The following ATP4A variants were observed in gnomAD, a reference collection of about 807,000 sequenced individuals.
The protein encoded by ATP4A is ATPase H+/K+ transporting subunit alpha.
Under a neutral mutation model 112.1 loss-of-function variants are expected in ATP4A, and 73 were observed. The observed-to-expected ratio is 0.65, with a 90% confidence interval of 0.54 to 0.79. The LOEUF (loss-of-function observed/expected upper bound fraction) is 0.79. ATP4A is among the 30% of genes least tolerant of loss of function. The probability of loss-of-function intolerance (pLI) is 0.00; values close to 1 mark genes in which losing one functional copy is unlikely to be tolerated. For synonymous variants in ATP4A, 588 were observed against 588.9 expected (o/e 1.00, Z 0.02); for missense variants, 1,081 against 1,425.9 (o/e 0.76, Z 3.90).
At position 35,557,057 on chromosome 19, in the gene ATP4A, G is replaced by C. The variant is rs1349292225; in HGVS notation, c.1725C>G (p.Asp575Glu). The change falls in exon 12 of 22, where the codon GAC becomes GAG. Residue 575 changes from aspartate to glutamate, a missense_variant. Coordinates refer to ENST00000262623, the MANE Select transcript of ATP4A (RefSeq NM_000704.3). This position sits in a 1 kb window ranked among gnomAD's most constrained non-coding sequence, Gnocchi z 4.4. ...GFCQLYLNEK[D>E]YPPGYAFDVE... ...CGTCGAAGGCATAGCCAGGCGGGTA[G>C]TCCTTCTCATTCAGGTAGAGCTGGC... 1 of 1,614,226 alleles carries C rather than the reference G, an allele frequency of 6.2e-7. No homozygotes were observed. The highest frequency in any genetic ancestry group is 1.3e-5 in the African/African-American group (1 of 75,058).
At position 35,560,360 on chromosome 19, in the gene ATP4A, GACCC is replaced by G; in HGVS notation, c.786_787+2del. 6.2e-7 allele frequency: 1 copy of G among 1,613,002 alleles called. No homozygotes were observed. Among genetic ancestry groups the G allele is most frequent in the Non-Finnish European group, 8.5e-7 (1 of 1,179,410 alleles). The stretch of plus-strand genomic sequence containing the variant: ...TGGGCAGGCAGGCGGGGGCTTCACA[GACCC>G]TCAAGGCACATGGTGGAGAAGAAGG... On this transcript the variant is annotated splice_donor_variant and coding_sequence_variant, in exon 6 of 22. Coordinates refer to ENST00000262623, the MANE Select transcript of ATP4A (RefSeq NM_000704.3). LOFTEE classifies it high-confidence loss of function. The surrounding 1 kb of genome is among the most constrained non-coding windows in gnomAD (Gnocchi z 5.1).
chr19:35,559,221 G>A lies in ATP4A; in HGVS notation c.1057-30C>T. 6.2e-7 allele frequency: 1 copy of A among 1,610,472 alleles called. No individual in the cohort carries two copies. The highest frequency in any genetic ancestry group is 8.5e-7 in the Non-Finnish European group (1 of 1,178,356). ...GGAAGGGGTGAGCACCGCAGGCTGGGGACCCACCCTGGCTTCCAGTCCTCT... is the reference window on the plus strand; with the variant it reads ...GGAAGGGGTGAGCACCGCAGGCTGGAGACCCACCCTGGCTTCCAGTCCTCT... On this transcript the variant is annotated intron_variant, in intron 7 of 21. Coordinates refer to ENST00000262623, the MANE Select transcript of ATP4A (RefSeq NM_000704.3). This position sits in a 1 kb window ranked among gnomAD's most constrained non-coding sequence, Gnocchi z 4.1.
chr19:35,557,169 G>A lies in ATP4A; in HGVS notation c.1694-81C>T. On this transcript the variant is annotated intron_variant, in intron 11 of 21. Coordinates refer to ENST00000262623, the MANE Select transcript of ATP4A (RefSeq NM_000704.3). The surrounding 1 kb of genome is among the most constrained non-coding windows in gnomAD (Gnocchi z 4.4). ...GGCCAGGAAATGGGTAAAATAACCA[G>A]GCCCCTTGCACCAAACACCTATGGA... 1 of 1,523,312 alleles carries A rather than the reference G, an allele frequency of 6.6e-7. No individual in the cohort carries two copies. The highest frequency in any genetic ancestry group is 9.0e-7 in the Non-Finnish European group (1 of 1,110,790). 94.4% of individuals were successfully genotyped at this position (1,523,312 alleles called of 1,614,324 possible). A position where few individuals can be genotyped will look rare whatever the true frequency, so the allele number is the denominator to read the frequency against.
In ATP4A at chr19:35,555,315, G is replaced by A. The variant is rs774113274; in HGVS notation, c.2177C>T (p.Thr726Met). The A allele has an allele frequency of 9.9e-6, 16 of 1,613,956 alleles. No homozygotes were observed. The highest frequency in any genetic ancestry group is 1.1e-5 in the Non-Finnish European group (13 of 1,179,908). ...CQRLGAIVAVTGDGVNDSPAL... is the reference protein window; with the variant it reads ...CQRLGAIVAVMGDGVNDSPAL... ...TGGGGAGTCATTCACACCATCCCCCGTGACGGCCACAATCGCACCCTGCAG... is the reference window on the plus strand; with the variant it reads ...TGGGGAGTCATTCACACCATCCCCCATGACGGCCACAATCGCACCCTGCAG... The change falls in exon 15 of 22, where the codon ACG becomes ATG. Residue 726 changes from threonine to methionine, a missense_variant. This residue lies in a region of ATP4A where 850 missense variants were observed against 1,068.2 expected (regional missense o/e 0.80). Transcript: ENST00000262623. This position sits in a 1 kb window ranked among gnomAD's most constrained non-coding sequence, Gnocchi z 6.6.
rs60726757 is a variant in ATP4A at position 35,560,918 on chromosome 19, G to A, written c.435C>T (p.Ile145=). 17,213 of 1,613,846 alleles carry A rather than the reference G, an allele frequency of 0.011. 899 individuals are homozygous for A. In the African/African-American group the frequency reaches 0.15, roughly 14 times the overall value. Reference sequence around the variant, plus strand: ...TGACGACAACCACAGCAATGAGAGCGATTGCCAGGTACAGCTGGGGACAGG... The same window carrying A: ...TGACGACAACCACAGCAATGAGAGCAATTGCCAGGTACAGCTGGGGACAGG... ...LTTDDNLYLA[I]ALIAVVVVTG... Residue 145 remains isoleucine, a synonymous_variant, in exon 5 of 22, where the codon ATC becomes ATT. Transcript: ENST00000262623. This position sits in a 1 kb window ranked among gnomAD's most constrained non-coding sequence, Gnocchi z 5.1.
At position 35,557,799 on chromosome 19, in the gene ATP4A, C is replaced by A; in HGVS notation, c.1549G>T (p.Val517Leu). ...ACGCGCTCGGGGGCGCCCTTCATCA[C>A]CAGCAAGTGTCGCGGGTCCCGCGGG... ...EDPRDPRHLL[V>L]MKGAPERVLE... Residue 517 changes from valine to leucine, a missense_variant, in exon 11 of 22, where the codon GTG becomes TTG. Physicochemically the swap from Val to Leu is conservative, Grantham distance 32. This residue lies in a region of ATP4A where 850 missense variants were observed against 1,068.2 expected (regional missense o/e 0.80). Transcript: ENST00000262623. The surrounding 1 kb of genome is among the most constrained non-coding windows in gnomAD (Gnocchi z 4.4). 1 of 1,575,786 alleles carries A rather than the reference C, an allele frequency of 6.3e-7. No individual in the cohort carries two copies. The highest frequency in any genetic ancestry group is 1.1e-5 in the South Asian group (1 of 88,788).
Position 35,551,966 on chromosome 19 carries a change from G to A in ATP4A, c.2752-386C>T, listed in dbSNP as rs2071604688. On this transcript the variant is annotated intron_variant, in intron 18 of 21. Transcript: ENST00000262623. The surrounding 1 kb of genome is among the most constrained non-coding windows in gnomAD (Gnocchi z 5.2). ...CAGGCAGATGGCAAAAATAGGTGAG[G>A]CAGTCACCGCGGGCCTTTGGGAAAA... Among the ~76,000 whole-genome samples the A allele has an allele frequency of 6.6e-6, 1 of 152,150 alleles. No homozygotes were observed. Among genetic ancestry groups the A allele is most frequent in the African/African-American group, 2.4e-5 (1 of 41,432 alleles).
rs765725549 is a variant in ATP4A, at chr19:35,560,342, G to A, written c.787+21C>T. On this transcript the variant is annotated intron_variant, in intron 6 of 21. Transcript: ENST00000262623. The surrounding 1 kb of genome is among the most constrained non-coding windows in gnomAD (Gnocchi z 5.1). ...AGTGGAGGCAGCAGTTACTGGGCAG[G>A]CAGGCGGGGGCTTCACAGACCCTCA... The A allele has an allele frequency of 4.3e-6, 7 of 1,610,876 alleles. No homozygotes were observed. The highest frequency in any genetic ancestry group is 1.1e-5 in the South Asian group (1 of 90,990).
chr19:35,562,680 C>T, intron 3 of ATP4A, 42 bp from the exon 4 acceptor site: 1 of 1,533,642 alleles, frequency 6.5e-7, no homozygotes, highest in Non-Finnish European at 8.8e-7. Flanking sequence ...GGGGGCTTTC[C>T]TCCACATGCA....
At position 35,557,545 on chromosome 19, in the gene ATP4A, A is replaced by T; in HGVS notation, c.1693+110T>A. Reference sequence around the variant, plus strand: ...GTGAGGCTGTGGACTGCGACAAATCAGCCAGCAGCCAGGGATGAGGACGGT... The same window carrying T: ...GTGAGGCTGTGGACTGCGACAAATCTGCCAGCAGCCAGGGATGAGGACGGT... On this transcript the variant is annotated intron_variant, in intron 11 of 21. Transcript: ENST00000262623. The surrounding 1 kb of genome is among the most constrained non-coding windows in gnomAD (Gnocchi z 4.4). 1 of 1,320,306 alleles carries T rather than the reference A, an allele frequency of 7.6e-7. No homozygotes were observed. The highest frequency in any genetic ancestry group is 1.0e-6 in the Non-Finnish European group (1 of 974,172). 81.8% of individuals were successfully genotyped at this position (1,320,306 alleles called of 1,614,324 possible).
At position 35,558,288 on chromosome 19, in the gene ATP4A, C is replaced by G; in HGVS notation, c.1500+74G>C. On this transcript the variant is annotated intron_variant, in intron 10 of 21. Transcript: ENST00000262623. This position sits in a 1 kb window ranked among gnomAD's most constrained non-coding sequence, Gnocchi z 5.1. ...GCAAGGAGCGAAGCCCCTCGTGGCC[C>G]GCTGATGTGGGTGTGGCCTGGGGCG... 2 of 1,521,384 alleles carry G rather than the reference C, an allele frequency of 1.3e-6. No homozygotes were observed. Among genetic ancestry groups the G allele is most frequent in the East Asian group, 2.4e-5 (1 of 42,008 alleles). The allele number at this position is 1,521,384 out of a possible 1,614,324, so 94.2% of individuals were successfully genotyped here. A position where few individuals can be genotyped will look rare whatever the true frequency, so the allele number is the denominator to read the frequency against.
In ATP4A at chr19:35,560,782, T is replaced by C; in HGVS notation, c.534+37A>G. On this transcript the variant is annotated intron_variant, in intron 5 of 21. Transcript: ENST00000262623. This position sits in a 1 kb window ranked among gnomAD's most constrained non-coding sequence, Gnocchi z 5.1. ...GAGGCTACAGGAGCAGTTTGGAGTC[T>C]CTGGGATCTGGAGTGGCTGGGTGCT... The C allele has an allele frequency of 6.2e-7, 1 of 1,605,076 alleles. No homozygotes were observed.
Position 35,558,896 on chromosome 19 carries a change from G to T in ATP4A, c.1255+97C>A. 2 of 1,474,618 alleles carry T rather than the reference G, an allele frequency of 1.4e-6. No homozygotes were observed. The highest frequency in any genetic ancestry group is 2.3e-5 in the East Asian group (1 of 43,996). The allele number at this position is 1,474,618 out of a possible 1,614,324, so 91.3% of individuals were successfully genotyped here. ...TTGAGACCTGGAGCCGAGCCGCCCCGCCTTCGTACAAAGCCCTCCCTACCT... is the reference window on the plus strand; with the variant it reads ...TTGAGACCTGGAGCCGAGCCGCCCCTCCTTCGTACAAAGCCCTCCCTACCT... On this transcript the variant is annotated intron_variant, in intron 8 of 21. Transcript: ENST00000262623. The surrounding 1 kb of genome is among the most constrained non-coding windows in gnomAD (Gnocchi z 5.1).
Position 35,560,348 on chromosome 19 carries a change from G to C in ATP4A, c.787+15C>G, listed in dbSNP as rs763865196. 5.1e-5 allele frequency: 82 copies of C among 1,611,540 alleles called. No individual in the cohort carries two copies. In the South Asian group the frequency reaches 8.8e-4, roughly 17 times the overall value. On this transcript the variant is annotated intron_variant, in intron 6 of 21. Transcript: ENST00000262623. This position sits in a 1 kb window ranked among gnomAD's most constrained non-coding sequence, Gnocchi z 5.1. ...GGCAGCAGTTACTGGGCAGGCAGGC[G>C]GGGGCTTCACAGACCCTCAAGGCAC...
chr19:35,550,624 G>A lies in ATP4A; in HGVS notation c.3099C>T (p.Leu1033=), dbSNP rs1321288597. The change falls in exon 22 of 22, where the codon CTC becomes CTT. Residue 1033 remains leucine, a synonymous_variant. Coordinates refer to ENST00000262623, the MANE Select transcript of ATP4A (RefSeq NM_000704.3). This position sits in a 1 kb window ranked among gnomAD's most constrained non-coding sequence, Gnocchi z 4.1. ...CCPGSWWDQE[L]YY ...GAAGGCAGTCGTCCCTCTAATAGTA[G>A]AGTTCCTGGTCCCACCAGCCTGGGA... The A allele has an allele frequency of 1.9e-6, 3 of 1,613,788 alleles. No individual in the cohort carries two copies. The highest frequency in any genetic ancestry group is 1.3e-5 in the African/African-American group (1 of 74,886).
At position 35,560,381 on chromosome 19, in the gene ATP4A, A is replaced by G; in HGVS notation, c.769T>C (p.Ser257Pro). ...CACAGACCCTCAAGGCACATGGTGGAGAAGAAGGCGATGTTGCGGGTCTCC... is the reference window on the plus strand; with the variant it reads ...CACAGACCCTCAAGGCACATGGTGGGGAAGAAGGCGATGTTGCGGGTCTCC... ...PLETRNIAFF[S>P]TMCLEGTVQG... Residue 257 changes from serine to proline, a missense_variant, in exon 6 of 22, where the codon TCC becomes CCC. Physicochemically the swap from Ser to Pro is moderately conservative, Grantham distance 74 (BLOSUM62 -1). Coordinates refer to ENST00000262623, the MANE Select transcript of ATP4A (RefSeq NM_000704.3). The surrounding 1 kb of genome is among the most constrained non-coding windows in gnomAD (Gnocchi z 5.1). 1 of 1,613,856 alleles carries G rather than the reference A, an allele frequency of 6.2e-7. No homozygotes were observed. The highest frequency in any genetic ancestry group is 8.5e-7 in the Non-Finnish European group (1 of 1,179,962).
chr19:35,563,495 A>G lies in ATP4A; in HGVS notation c.45T>C (p.Gly15=). Residue 15 remains glycine, a synonymous_variant, in exon 2 of 22, where the codon GGT becomes GGC. Coordinates refer to ENST00000262623, the MANE Select transcript of ATP4A (RefSeq NM_000704.3). The stretch of plus-strand genomic sequence containing the variant: ...CAGCCATGTCCCCGCCAGGGCCAGG[A>G]CCCAGCTCCACCGAGTAGAGCTCAT... The part of the protein sequence containing the change: ...ENYELYSVEL[G]PGPGGDMAAK... 1 of 1,613,698 alleles carries G rather than the reference A, an allele frequency of 6.2e-7. No homozygotes were observed. The highest frequency in any genetic ancestry group is 8.5e-7 in the Non-Finnish European group (1 of 1,179,930).
chr19:35,559,839 G>A lies in ATP4A; in HGVS notation c.1022C>T (p.Ala341Val). 3 of 1,614,176 alleles carry A rather than the reference G, an allele frequency of 1.9e-6. No homozygotes were observed. The highest frequency in any genetic ancestry group is 1.6e-4 in the Middle Eastern group (1 of 6,062). ...AMVFFMAIVV[A>V]YVPEGLLATV... Reference sequence around the variant, plus strand: ...GGCCAGCAGCCCCTCAGGCACATAGGCCACCACGATGGCCATGAAGAAGAC... The same window carrying A: ...GGCCAGCAGCCCCTCAGGCACATAGACCACCACGATGGCCATGAAGAAGAC... Residue 341 changes from alanine (A) to valine (V), a missense_variant, in exon 7 of 22, where the codon GCC (alanine) becomes GTC (valine). Transcript: ENST00000262623. The surrounding 1 kb of genome is among the most constrained non-coding windows in gnomAD (Gnocchi z 4.1).
intron 3 of ATP4A, 130 bp downstream of exon 3, chr19:35,563,079 T>C: frequency 1.4e-6 from 1 of 730,660 alleles, no homozygotes; most frequent in Non-Finnish European, 2.0e-6. Context: ...TCCCTCCCTC[T>C]CTCTATTTCT....
Sources: allele counts gnomAD v4.1 joint callset (sites outside exome capture counted in the v4.1 genomes callset), GRCh38; gene constraint gnomAD v4.1.1; regional missense constraint gnomAD v4.1.1; non-coding constraint Gnocchi (gnomAD v3.1); transcripts MANE v1.5; gene names NCBI Gene and HGNC (gene_info 2026-07-23, HGNC 2026-07-21).